Variants in KALRN observed in about 807,000 individuals in gnomAD.
KALRN encodes kalirin.
A neutral mutation model predicts 353.7 loss-of-function variants in KALRN; 70 were observed. The ratio of observed to expected loss-of-function variants is 0.20; its 90% CI spans 0.16 to 0.24. The LOEUF (loss-of-function observed/expected upper bound fraction) is 0.24, where lower values mean the gene tolerates loss of function less well. KALRN is among the 10% of genes least tolerant of loss of function. KALRN has a pLI of 1.00. For missense variants in KALRN, 2,791 were observed against 3,756.7 expected, an observed-to-expected ratio of 0.74 and a Z score of 6.72; for synonymous variants, 1,391 against 1,434.8, an observed-to-expected ratio of 0.97 and a Z score of 0.69.
At chr3:124,538,894 GGA>G (rs1245240019) in intron 33 of KALRN, among the ~76,000 whole-genome samples, 1 of 152,170 alleles carries the variant, frequency 6.6e-6, no homozygotes, top group Non-Finnish European at 1.5e-5. Flanking sequence ...AAATAGGTCC[GGA>G]GAGAGTCAGT....
chr3:124,175,120 A>G (rs2072478609), intron 1 of KALRN, among the ~76,000 whole-genome samples: 1 of 152,226 alleles, frequency 6.6e-6, no homozygotes, highest in African/African-American at 2.4e-5. Flanking sequence ...AGCCCAGCCC[A>G]CGTGTGCATC....
intron 33 of KALRN, among the ~76,000 whole-genome samples, chr3:124,537,661 G>A (rs571183275): frequency 6.6e-6 from 1 of 152,332 alleles, no homozygotes; most frequent in Admixed American, 6.5e-5. Flanking sequence ...ATAAATAAAA[G>A]TCAAGAAGTT....
chr3:124,475,514 C>T (rs1332098325), intron 26 of KALRN, among the ~76,000 whole-genome samples: 2 of 152,128 alleles, frequency 1.3e-5, no homozygotes, highest in Non-Finnish European at 2.9e-5. Context: ...GGAAATCCTC[C>T]CCCAGGGTCA....
intron 18 of KALRN, 90 bp from the exon 19 acceptor site, chr3:124,441,855 A>C (rs2093677628): frequency 1.3e-6 from 1 of 768,568 alleles, no homozygotes; most frequent in Non-Finnish European, 2.0e-6. Context: ...AGCAAAAGAA[A>C]ATATGGAAGG....
At chr3:124,302,868 C>T (rs1225302250) in intron 6 of KALRN, among the ~76,000 whole-genome samples, 1 of 152,178 alleles carries the variant, frequency 6.6e-6, no homozygotes, top group Non-Finnish European at 1.5e-5. Context: ...TATGTCTTAA[C>T]CTCCTCTTTT....
At chr3:124,694,243 G>A in intron 52 of KALRN, 89 bp from the exon 53 acceptor site, 1 of 1,223,990 alleles carries the variant, frequency 8.2e-7, no homozygotes, top group Non-Finnish European at 1.2e-6. Flanking sequence ...TGACATGGGT[G>A]GGAAATGAGA....
At chr3:124,569,826 C>G (rs1193382538) in intron 34 of KALRN, among the ~76,000 whole-genome samples, 1 of 152,220 alleles carries the variant, frequency 6.6e-6, no homozygotes, top group African/African-American at 2.4e-5. Context: ...GCCCCACTCT[C>G]TAGGAGGAGT....
At chr3:124,116,428 C>G (rs1320183) in intron 1 of KALRN, among the ~76,000 whole-genome samples, 1 of 152,130 alleles carries the variant, frequency 6.6e-6, no homozygotes, top group Non-Finnish European at 1.5e-5. Flanking sequence ...TAGATCCTAT[C>G]TTACAGATCA....
chr3:124,628,480 T>A (rs985944028), intron 34 of KALRN, among the ~76,000 whole-genome samples: 2 of 102,524 alleles, frequency 2.0e-5, no homozygotes, highest in Non-Finnish European at 4.2e-5. Flanking sequence ...CTTCCCTTCC[T>A]TCCCTTCCCT....
intron 48 of KALRN, among the ~76,000 whole-genome samples, chr3:124,674,095 A>G (rs576427148): frequency 6.6e-6 from 1 of 152,254 alleles, no homozygotes; most frequent in South Asian, 2.1e-4. Context: ...TATGCTGGGA[A>G]GGGGCTTCCA....
At chr3:124,068,042 A>C (rs2042521740) in intron 1 of KALRN, among the ~76,000 whole-genome samples, 1 of 152,238 alleles carries the variant, frequency 6.6e-6, no homozygotes, top group Non-Finnish European at 1.5e-5. Context: ...GGGCCCAGCT[A>C]GACTTACACA....
chr3:124,633,248 T>C (rs566653204), intron 35 of KALRN, among the ~76,000 whole-genome samples: 18 of 152,336 alleles, frequency 1.2e-4, no homozygotes, highest in African/African-American at 4.3e-4. Context: ...TGGGCCTTCA[T>C]GAAAACTAAT....
chr3:124,243,586 G>A (rs75341678), intron 3 of KALRN, among the ~76,000 whole-genome samples: 2,019 of 152,228 alleles, frequency 0.013, 34 homozygotes, highest in African/African-American at 0.041. Context: ...AAGGGGCTTT[G>A]GGCATCAGCA....
At chr3:124,290,009 T>G (rs980690251) in intron 5 of KALRN, among the ~76,000 whole-genome samples, 4 of 152,110 alleles carry the variant, frequency 2.6e-5, no homozygotes, top group Non-Finnish European at 5.9e-5. Flanking sequence ...AGCCACAAAT[T>G]GGCAGCCAGG....
intron 5 of KALRN, among the ~76,000 whole-genome samples, chr3:124,296,274 C>T (rs1055953091): frequency 4.6e-5 from 7 of 152,148 alleles, no homozygotes. Flanking sequence ...CATACAATTT[C>T]CCACCCAAGC....
intron 5 of KALRN, among the ~76,000 whole-genome samples, chr3:124,284,230 G>A (rs763799333): frequency 4.6e-5 from 7 of 152,150 alleles, no homozygotes; most frequent in African/African-American, 9.7e-5. Context: ...CACTCACTTC[G>A]TAGTTAAAAG....
In KALRN at chr3:124,532,734, G is replaced by A. The variant is rs561294043; in HGVS notation, c.4936-30109G>A. On this transcript the variant is annotated intron_variant, in intron 33 of 59. Transcript: ENST00000682506. The stretch of plus-strand genomic sequence containing the variant: ...AGGCAGGAAAATTGCTTGAGAGGCG[G>A]AGGTTGCAGTAAGCTGAGATCCCAC... Among the ~76,000 whole-genome samples the A allele has an allele frequency of 2.0e-5, 3 of 152,256 alleles. No individual in the cohort carries two copies. In the East Asian group the frequency reaches 5.8e-4, roughly 29 times the overall value.
chr3:124,582,899 A>G (rs1176452375), intron 34 of KALRN, among the ~76,000 whole-genome samples: 1 of 152,156 alleles, frequency 6.6e-6, no homozygotes, highest in Admixed American at 6.5e-5. Context: ...CCTGCCAAGT[A>G]ACTGGGACCA....
chr3:124,626,617 C>G (rs139159006), intron 34 of KALRN, among the ~76,000 whole-genome samples: 170 of 152,222 alleles, frequency 1.1e-3, no homozygotes, highest in African/African-American at 3.8e-3. Flanking sequence ...AGTCATTGGT[C>G]TTTGGGCAGT....
Sources: gnomAD v4.1 joint callset for allele counts (sites outside exome capture counted in the v4.1 genomes callset) on GRCh38, gnomAD v4.1.1 for gene constraint, MANE v1.5 for transcripts, NCBI Gene and HGNC (gene_info 2026-07-23, HGNC 2026-07-21) for gene names.